The following EYS variants were observed in gnomAD, a reference collection of about 807,000 sequenced individuals.
The protein encoded by EYS is EGF-like photoreceptor maintenance factor.
Under a neutral mutation model 282.1 loss-of-function variants are expected in EYS, and 250 were observed. That is an observed-to-expected ratio of 0.89 (90% CI 0.80 to 0.98). EYS has a LOEUF of 0.98. Ranked by LOEUF, EYS falls within the 50% of genes least tolerant of loss-of-function variation. The pLI is 0.00. For missense variants in EYS, 4,016 were observed against 3,709.0 expected, an observed-to-expected ratio of 1.08 and a Z score of -2.15; for synonymous variants, 1,355 against 1,282.9, an observed-to-expected ratio of 1.06 and a Z score of -1.20.
intron 29 of EYS, among the ~76,000 whole-genome samples, chr6:64,369,675 G>C (rs1210939794): frequency 2.6e-5 from 4 of 151,984 alleles, no homozygotes; most frequent in Admixed American, 2.6e-4. Context: ...CAATAAAATA[G>C]CCACGATATC....
intron 36 of EYS, chr6:63,806,803 A>T (rs532252074): frequency 1.3e-5 from 2 of 152,740 alleles, no homozygotes; most frequent in Non-Finnish European, 2.9e-5. Flanking sequence ...CTAATCCTGC[A>T]CCTTTATCTG....
At chr6:65,146,926 A>G (rs927719195) in intron 12 of EYS, among the ~76,000 whole-genome samples, 1 of 152,012 alleles carries the variant, frequency 6.6e-6, no homozygotes, top group Non-Finnish European at 1.5e-5. Flanking sequence ...CAATGGTGAC[A>G]TCATTTAATG....
At chr6:64,087,977 C>T (rs557205402) in intron 31 of EYS, among the ~76,000 whole-genome samples, 1 of 152,164 alleles carries the variant, frequency 6.6e-6, no homozygotes, top group South Asian at 2.1e-4. Context: ...TTCAGGTGCA[C>T]CTGCCTACTT....
At chr6:65,278,850 T>C (rs1768137159) in intron 12 of EYS, among the ~76,000 whole-genome samples, 1 of 152,144 alleles carries the variant, frequency 6.6e-6, no homozygotes, top group South Asian at 2.1e-4. Context: ...TGATTAACTC[T>C]TGGTCAGTCA....
intron 36 of EYS, among the ~76,000 whole-genome samples, chr6:63,832,171 G>T (rs1426180846): frequency 6.6e-6 from 1 of 152,100 alleles, no homozygotes; most frequent in Non-Finnish European, 1.5e-5. Flanking sequence ...AGAAGTAAGA[G>T]CAAACACATT....
At chr6:65,125,314 AGAGT>A (rs1775687337) in intron 12 of EYS, among the ~76,000 whole-genome samples, 1 of 152,186 alleles carries the variant, frequency 6.6e-6, no homozygotes, top group African/African-American at 2.4e-5. Context: ...ATTCATCTAT[AGAGT>A]CTCAATGAAA....
intron 5 of EYS, among the ~76,000 whole-genome samples, chr6:65,467,546 CA>C (rs1442947172): frequency 1.3e-5 from 2 of 151,638 alleles, no homozygotes; most frequent in Admixed American, 6.6e-5. Flanking sequence ...AACACTCATA[CA>C]AAACCCATAT....
At chr6:65,248,716 C>T (rs909647645) in intron 12 of EYS, among the ~76,000 whole-genome samples, 26 of 151,500 alleles carry the variant, frequency 1.7e-4, no homozygotes, top group Middle Eastern at 3.4e-3. Context: ...ATTAGGGTGA[C>T]GTATATTCAA....
At chr6:65,288,498 G>T (rs1389685066) in intron 12 of EYS, among the ~76,000 whole-genome samples, 1 of 150,408 alleles carries the variant, frequency 6.6e-6, no homozygotes, top group Non-Finnish European at 1.5e-5. Context: ...TGTGTATTTG[G>T]TACAGTTCTT....
intron 23 of EYS, among the ~76,000 whole-genome samples, chr6:64,620,708 A>AT (rs11462529): frequency 0.33 from 50,764 of 151,972 alleles, 9,128 homozygotes; most frequent in East Asian, 0.5. Context: ...TATTTATTGG[A>AT]TTTTTTAATG....
At chr6:64,688,655 A>G (rs558743621) in intron 22 of EYS, among the ~76,000 whole-genome samples, 1 of 152,220 alleles carries the variant, frequency 6.6e-6, no homozygotes, top group Admixed American at 6.5e-5. Flanking sequence ...CCTGTGGTCA[A>G]TTTTAGAGTA....
rs547584700 is a variant in EYS, at chr6:63,808,940, A to G, written c.7229-2568T>C. ...CACCTGTTTCTTTTAACTTTGAAAA[A>G]TGTCGCTACTAGAAAACAAAATGAC... On this transcript the variant is annotated intron_variant, in intron 36 of 42. Coordinates refer to ENST00000503581, the MANE Select transcript of EYS (RefSeq NM_001142800.2). 4.6e-5 allele frequency among the ~76,000 whole-genome samples: 7 copies of G among 152,344 alleles called. No homozygotes were observed. In the South Asian group the frequency reaches 1.4e-3, roughly 32 times the overall value.
intron 26 of EYS, among the ~76,000 whole-genome samples, chr6:64,468,416 T>C (rs1289542292): frequency 6.6e-6 from 1 of 152,258 alleles, no homozygotes; most frequent in Non-Finnish European, 1.5e-5. Flanking sequence ...GACTGTTTCA[T>C]GTTTCTTGTG....
In EYS at chr6:64,062,691, CAAAAAAA is replaced by C. The variant is rs1023609648; in HGVS notation, c.6725+3640_6725+3646del. On this transcript the variant is annotated intron_variant, in intron 33 of 42. Transcript: ENST00000503581. ...GGGGGACAAGAGCAGAACTCCAACT[CAAAAAAA>C]AAAAAAAAAAAAGAAGAAGAAACTT... Among the ~76,000 whole-genome samples, 6 of 58,988 alleles carry C rather than the reference CAAAAAAA, an allele frequency of 1.0e-4. No homozygotes were observed. The South Asian group carries it at 3.7e-3, about 37-fold the overall frequency. The allele number at this position is 58,988 out of a possible 152,430, so 38.7% of individuals were successfully genotyped here.
intron 31 of EYS, among the ~76,000 whole-genome samples, chr6:64,123,077 C>T (rs887607559): frequency 9.2e-5 from 14 of 151,992 alleles, no homozygotes; most frequent in African/African-American, 3.4e-4. Flanking sequence ...AGACACAGAA[C>T]CTGGTAGCAT....
intron 14 of EYS, among the ~76,000 whole-genome samples, chr6:64,989,416 T>A (rs183192300): frequency 3.1e-5 from 3 of 95,912 alleles, no homozygotes; most frequent in African/African-American, 1.3e-4. Context: ...TATATATATA[T>A]GAATATATAT....
intron 31 of EYS, among the ~76,000 whole-genome samples, chr6:64,150,281 T>C (rs1401499454): frequency 6.6e-6 from 1 of 152,212 alleles, no homozygotes; most frequent in African/African-American, 2.4e-5. Flanking sequence ...TTAAGGATAA[T>C]GATCTGTTTA....
intron 12 of EYS, among the ~76,000 whole-genome samples, chr6:65,172,985 A>ATT (rs1765140911): frequency 4.0e-5 from 5 of 124,998 alleles, no homozygotes; most frequent in African/African-American, 2.3e-4. Context: ...GGAAATTTAA[A>ATT]AAAAAAAAAA....
At chr6:64,367,776 C>G (rs1276693335) in intron 29 of EYS, among the ~76,000 whole-genome samples, 1 of 152,028 alleles carries the variant, frequency 6.6e-6, no homozygotes, top group African/African-American at 2.4e-5. Flanking sequence ...CCTGAGGCTC[C>G]CTTCCCACAG....
Sources: allele counts gnomAD v4.1 joint callset (sites outside exome capture counted in the v4.1 genomes callset), GRCh38; gene constraint gnomAD v4.1.1; transcripts MANE v1.5; gene names NCBI Gene and HGNC (gene_info 2026-07-23, HGNC 2026-07-21).